Variants in RFC3 observed in about 807,000 individuals in gnomAD.
The protein encoded by RFC3 is replication factor C subunit 3.
RFC3 carries 41 observed loss-of-function variants against 45.1 expected under a neutral mutation model. That is an observed-to-expected ratio of 0.91 (90% CI 0.71 to 1.18). The LOEUF (loss-of-function observed/expected upper bound fraction) is 1.18, where lower values mean the gene tolerates loss of function less well. Ranked by LOEUF, RFC3 falls within the 50% of genes most tolerant of loss-of-function variation. The pLI, the probability that RFC3 is intolerant of heterozygous loss-of-function variation, is 0.00. For synonymous variants in RFC3, 149 were observed against 144.0 expected (o/e 1.03, Z -0.25); for missense variants, 423 against 428.1 (o/e 0.99, Z 0.10).
At chr13:33,975,349 T>C in the RFC3 span, among the ~76,000 whole-genome samples, 2 of 152,174 alleles carry the variant, frequency 1.3e-5, no homozygotes, top group Non-Finnish European at 2.9e-5. Context: ...ACTATGGAGA[T>C]AGTAAACGGA....
chr13:33,877,096 T>C (rs1008975585), intron 8 of RFC3, among the ~76,000 whole-genome samples: 7 of 152,232 alleles, frequency 4.6e-5, no homozygotes, highest in Non-Finnish European at 8.8e-5. Context: ...TTACATGCAT[T>C]ATCCAATTGG....
intron 8 of RFC3, among the ~76,000 whole-genome samples, chr13:33,959,892 G>A (rs1421655621): frequency 1.3e-5 from 2 of 152,162 alleles, no homozygotes; most frequent in Admixed American, 6.5e-5. Flanking sequence ...GAAGCATAGC[G>A]CCGGCATCAC....
chr13:33,900,876 G>A (rs1037679115), intron 8 of RFC3, among the ~76,000 whole-genome samples: 11 of 150,690 alleles, frequency 7.3e-5, no homozygotes, highest in African/African-American at 2.7e-4. Context: ...AATTGAAAAT[G>A]GACAAAAAAT....
intron 8 of RFC3, among the ~76,000 whole-genome samples, chr13:33,914,064 A>C (rs2082718814): frequency 6.6e-6 from 1 of 152,162 alleles, no homozygotes; most frequent in Admixed American, 6.6e-5. Flanking sequence ...ATTTAGTTAA[A>C]GATTGGAAAT....
the RFC3 span, among the ~76,000 whole-genome samples, chr13:33,972,293 GCA>G: frequency 2.0e-5 from 3 of 151,864 alleles, no homozygotes; most frequent in African/African-American, 7.3e-5. Flanking sequence ...CTATTTCTAT[GCA>G]CAGAGTCCAA....
intron 8 of RFC3, among the ~76,000 whole-genome samples, chr13:33,914,910 A>G (rs2082724153): frequency 6.6e-6 from 1 of 152,180 alleles, no homozygotes; most frequent in Non-Finnish European, 1.5e-5. Flanking sequence ...ACTGAAAATA[A>G]TTGTGTTAGA....
At position 33,837,091 on chromosome 13, in the gene RFC3, G is replaced by A. The variant is rs1242199424; in HGVS notation, c.*796G>A. 2 of 964,858 alleles carry A rather than the reference G, an allele frequency of 2.1e-6. No homozygotes were observed. The highest frequency in any genetic ancestry group is 2.5e-6 in the Non-Finnish European group (2 of 811,464). The allele number at this position is 964,858 out of a possible 1,614,324, so 59.8% of individuals were successfully genotyped here. A position where few individuals can be genotyped will look rare whatever the true frequency, so the allele number is the denominator to read the frequency against. On this transcript the variant is annotated 3_prime_UTR_variant, in exon 9 of 9. Transcript: ENST00000380071. ...AGACTCCGAACAATTCCTTTACTAC[G>A]AAGTATAATTTATAAAATAAAATAT...
intron 8 of RFC3, among the ~76,000 whole-genome samples, chr13:33,883,779 T>G (rs2082501527): frequency 6.6e-6 from 1 of 152,148 alleles, no homozygotes; most frequent in Admixed American, 6.5e-5. Flanking sequence ...ACTGAGGCCT[T>G]TCAGAGCGTG....
intron 8 of RFC3, among the ~76,000 whole-genome samples, chr13:33,903,915 A>G (rs2082656452): frequency 1.3e-5 from 2 of 152,102 alleles, no homozygotes; most frequent in African/African-American, 2.4e-5. Context: ...AAAATTATGC[A>G]AAGAAATAGG....
chr13:33,953,172 A>G lies in RFC3; in HGVS notation c.880-12915A>G, dbSNP rs111620160. Among the ~76,000 whole-genome samples, 214 of 152,248 alleles carry G rather than the reference A, an allele frequency of 1.4e-3. 2 individuals are homozygous for G. The highest frequency in any genetic ancestry group is 4.8e-3 in the African/African-American group (200 of 41,538). On this transcript the variant is annotated intron_variant, in intron 8 of 8. Transcript: ENST00000434425. ...ATTCCTATATGACTGTTTGGAAGGT[A>G]TTTATTTTAGAATGGATGGATGTTC...
At chr13:33,936,028 A>G (rs17080252) in intron 8 of RFC3, among the ~76,000 whole-genome samples, 1,773 of 152,230 alleles carry the variant, frequency 0.012, 38 homozygotes, top group African/African-American at 0.04. Flanking sequence ...TCTTCCCCTT[A>G]TGAGAGCGAT....
chr13:33,973,266 AT>A, the RFC3 span, among the ~76,000 whole-genome samples: 2 of 152,130 alleles, frequency 1.3e-5, no homozygotes, highest in Admixed American at 6.5e-5. Context: ...AGGAGGAGAG[AT>A]TTGGTCAGAT....
In RFC3 at chr13:33,913,607, T is replaced by C. The variant is rs968714005; in HGVS notation, c.880-52480T>C. Among the ~76,000 whole-genome samples, 13 of 152,138 alleles carry C rather than the reference T, an allele frequency of 8.5e-5. 1 individual carries two copies. The highest frequency in any genetic ancestry group is 7.2e-4 in the Admixed American group (11 of 15,262). ...TCACTCTCTCTAAGCCTCAGTTTCT[T>C]TATCTTTAAATGAGATGACACTACC... is the stretch of plus-strand genomic sequence containing the variant. On this transcript the variant is annotated intron_variant, in intron 8 of 8. Transcript: ENST00000434425.
chr13:33,969,542 T>G (rs1408355879), downstream of RFC3, among the ~76,000 whole-genome samples: 1 of 152,138 alleles, frequency 6.6e-6, no homozygotes, highest in East Asian at 1.9e-4. Flanking sequence ...TACAATAAAA[T>G]CAAAGTGGCA....
intron 8 of RFC3, among the ~76,000 whole-genome samples, chr13:33,914,133 T>C (rs764827447): frequency 9.9e-5 from 15 of 151,576 alleles, no homozygotes; most frequent in African/African-American, 4.9e-5. Context: ...TGGTCAATTA[T>C]AATAATATAA....
intron 8 of RFC3, among the ~76,000 whole-genome samples, chr13:33,930,556 CTG>C (rs2082845019): frequency 6.6e-6 from 1 of 152,136 alleles, no homozygotes; most frequent in Non-Finnish European, 1.5e-5. Context: ...GTCTGTCTCT[CTG>C]AGTCCACTGA....
At chr13:33,969,530 G>A (rs1006312281), downstream of RFC3, among the ~76,000 whole-genome samples, 2 of 152,198 alleles carry the variant, frequency 1.3e-5, no homozygotes, top group Non-Finnish European at 2.9e-5. Flanking sequence ...TTCCAAGGCA[G>A]TTACAATAAA....
chr13:33,830,013 A>G lies in RFC3; in HGVS notation c.569A>G (p.Glu190Gly). 6.2e-7 allele frequency: 1 copy of G among 1,613,272 alleles called. No homozygotes were observed. ...LAVRVPAPSI[E>G]DICHVLSTVC... is the part of the protein sequence containing the mutation. ...GTTCGTGTGCCTGCTCCCAGCATTG[A>G]AGATGTAGGTCAAGTTACACTTTTC... The change falls in exon 5 of 9, where the codon GAA becomes GGA. Residue 190 changes from glutamate to glycine, a missense_variant. Glu to Gly is a moderately conservative substitution (Grantham distance 98). Transcript: ENST00000380071.
chr13:33,878,344 C>T (rs1167522101), intron 8 of RFC3, among the ~76,000 whole-genome samples: 1 of 152,104 alleles, frequency 6.6e-6, no homozygotes, highest in Non-Finnish European at 1.5e-5. Context: ...TCCACAAGAA[C>T]CCATGAGATT....
Sources: allele counts gnomAD v4.1 joint callset (sites outside exome capture counted in the v4.1 genomes callset), GRCh38; gene constraint gnomAD v4.1.1; transcripts MANE v1.5; gene names NCBI Gene and HGNC (gene_info 2026-07-23, HGNC 2026-07-21).